DIPK2B: variants seen among roughly 807,000 people sequenced by gnomAD.
DIPK2B encodes UPF0672 protein CXorf36.
DIPK2B carries 15 observed loss-of-function variants against 22.2 expected under a neutral mutation model. That is an observed-to-expected ratio of 0.68 (90% confidence interval 0.45 to 1.04). The LOEUF is 1.04. Among genes scored for constraint, DIPK2B ranks in the 50% least tolerant of loss-of-function variants. The pLI, the probability that DIPK2B is intolerant of heterozygous loss-of-function variation, is 0.00. For synonymous variants in DIPK2B, 163 were observed against 153.2 expected (o/e 1.06, Z -0.47); for missense variants, 345 against 348.3 (o/e 0.99, Z 0.08).
At chrX:45,194,716 A>G (rs1277067571) in intron 1 of DIPK2B, among the ~76,000 whole-genome samples, 1 of 112,140 alleles carries the variant, frequency 8.9e-6, no homozygotes, top group Non-Finnish European at 1.9e-5. Context: ...TTTGAGGATG[A>G]GAAAATTGAA....
At chrX:45,179,615 C>G (rs1411493045) in intron 2 of DIPK2B, among the ~76,000 whole-genome samples, 1 of 111,382 alleles carries the variant, frequency 9.0e-6, no homozygotes, top group Non-Finnish European at 1.9e-5. Flanking sequence ...AATGCAATAT[C>G]TGAAATTAAG....
At chrX:45,168,791 CTGCGGAGCGGT>C (rs2047063133) in intron 2 of DIPK2B, among the ~76,000 whole-genome samples, 1 of 111,990 alleles carries the variant, frequency 8.9e-6, no homozygotes, top group African/African-American at 3.3e-5. Flanking sequence ...TCCCATCGGC[CTGCGGAGCGGT>C]CTCTGCTGGA....
chrX:45,188,236 C>A (rs780773270), intron 2 of DIPK2B, among the ~76,000 whole-genome samples: 4 of 112,122 alleles, frequency 3.6e-5, no homozygotes, highest in Non-Finnish European at 5.6e-5. Flanking sequence ...AATGATCACT[C>A]AGAGGTTTCA....
In DIPK2B at chrX:45,154,083, T is replaced by C; in HGVS notation, c.788A>G (p.Gln263Arg). Reference protein sequence around the residue: ...LQEFYDAPPDQAADLAYQLLG... With the variant: ...LQEFYDAPPDRAADLAYQLLG... The stretch of plus-strand genomic sequence containing the variant: ...GAGCTGGTAGGCAAGGTCGGCTGCC[T>C]GATCTGGGGGTGCATCATAGAATTC... Residue 263 changes from glutamine (Q) to arginine (R), a missense_variant, in exon 4 of 5, where the codon CAG (glutamine) becomes CGG (arginine). Transcript: ENST00000398000. The C allele has an allele frequency of 1.7e-6, 2 of 1,211,435 alleles. No homozygotes were observed. Among genetic ancestry groups the C allele is most frequent in the Non-Finnish European group, 2.2e-6 (2 of 895,382 alleles).
At chrX:45,164,509 A>G (rs1475170290) in intron 2 of DIPK2B, among the ~76,000 whole-genome samples, 2 of 111,606 alleles carry the variant, frequency 1.8e-5, no homozygotes, top group South Asian at 3.8e-4. Context: ...CACAAGAACA[A>G]AAAAACCAAA....
chrX:45,191,675 A>G, intron 2 of DIPK2B, 76 bp downstream of exon 2: 1 of 1,073,353 alleles, frequency 9.3e-7, no homozygotes, highest in Non-Finnish European at 1.2e-6. Context: ...AAACTGAGAT[A>G]TGAGATGGGA....
At chrX:45,179,927 C>T (rs4526494) in intron 2 of DIPK2B, among the ~76,000 whole-genome samples, 45,877 of 110,428 alleles carry the variant, frequency 0.42, 7,767 homozygotes, top group African/African-American at 0.66. Flanking sequence ...AAGGAAACAT[C>T]TTTAATCATA....
In DIPK2B at chrX:45,152,040, T is replaced by A. The variant is rs771595080; in HGVS notation, c.962-48A>T. 5 of 1,069,175 alleles carry A rather than the reference T, an allele frequency of 4.7e-6. No homozygotes were observed. The African/African-American group carries it at 9.3e-5, about 20-fold the overall frequency. 88.1% of individuals were successfully genotyped at this position (1,069,175 alleles called of 1,213,427 possible). ...TACACACCCTGCCACCAGTGCTCCT[T>A]GAGGGAGGGCACCACTAATTAGAAT... On this transcript the variant is annotated intron_variant, in intron 4 of 4. Coordinates refer to ENST00000398000, the MANE Select transcript of DIPK2B (RefSeq NM_176819.4).
chrX:45,192,289 C>T (rs1198440585), intron 1 of DIPK2B, among the ~76,000 whole-genome samples: 1 of 111,879 alleles, frequency 8.9e-6, no homozygotes, highest in Non-Finnish European at 1.9e-5. Context: ...GCTCTCTGAA[C>T]TTTTACTCCC....
intron 1 of DIPK2B, among the ~76,000 whole-genome samples, chrX:45,193,919 C>T (rs2047225117): frequency 9.1e-6 from 1 of 109,853 alleles, no homozygotes; most frequent in Non-Finnish European, 1.9e-5. Flanking sequence ...CTACTCCCCA[C>T]CCCCACTCCC....
intron 1 of DIPK2B, among the ~76,000 whole-genome samples, chrX:45,197,212 A>G (rs1335328084): frequency 9.8e-6 from 1 of 101,827 alleles, no homozygotes; most frequent in African/African-American, 3.6e-5. Context: ...TTTGAGAGAG[A>G]GTCTTTCTCC....
intron 2 of DIPK2B, among the ~76,000 whole-genome samples, chrX:45,182,279 A>C (rs1003030907): frequency 2.7e-5 from 3 of 111,922 alleles, no homozygotes; most frequent in African/African-American, 9.7e-5. Context: ...CAAAAAAGCC[A>C]GTAAATATAT....
chrX:45,165,798 G>A lies in DIPK2B; in HGVS notation c.499-7910C>T, dbSNP rs1419102787. Among the ~76,000 whole-genome samples, 14 of 111,979 alleles carry A rather than the reference G, an allele frequency of 1.3e-4. No homozygotes were observed. In the South Asian group the frequency reaches 1.9e-3, roughly 15 times the overall value. On this transcript the variant is annotated intron_variant, in intron 2 of 4. Transcript: ENST00000398000. ...TCTCCAGCTCTCTCTTTGGAATTTCGGCACAAACTCGGTTTACAAGCCTCA... is the reference window on the plus strand; with the variant it reads ...TCTCCAGCTCTCTCTTTGGAATTTCAGCACAAACTCGGTTTACAAGCCTCA...
chrX:45,164,434 T>C (rs1019903905), intron 2 of DIPK2B, among the ~76,000 whole-genome samples: 3 of 111,672 alleles, frequency 2.7e-5, no homozygotes, highest in Non-Finnish European at 5.6e-5. Flanking sequence ...TTAAAGATCA[T>C]GCTCCTGGCC....
chrX:45,174,113 T>C (rs2047103179), intron 2 of DIPK2B, among the ~76,000 whole-genome samples: 1 of 111,688 alleles, frequency 9.0e-6, no homozygotes, highest in Non-Finnish European at 1.9e-5. Context: ...AAGGAGGTGC[T>C]GGCAGTTCCA....
intron 2 of DIPK2B, among the ~76,000 whole-genome samples, chrX:45,165,830 A>G (rs2047045946): frequency 8.9e-6 from 1 of 111,861 alleles, no homozygotes; most frequent in South Asian, 3.7e-4. Flanking sequence ...CTCACAGAAC[A>G]CGCATGCAAA....
At chrX:45,184,456 T>C (rs1276077395) in intron 2 of DIPK2B, among the ~76,000 whole-genome samples, 1 of 112,047 alleles carries the variant, frequency 8.9e-6, no homozygotes, top group Non-Finnish European at 1.9e-5. Context: ...ATGACATATG[T>C]GTAATTCAGT....
intron 2 of DIPK2B, chrX:45,162,972 G>A (rs904534290): frequency 1.8e-4 from 133 of 749,390 alleles, no homozygotes; most frequent in Non-Finnish European, 2.0e-4. Flanking sequence ...AATTTAGCAG[G>A]CATGTTGCTG....
rs1191453346 is a variant in DIPK2B at position 45,179,846 on chromosome X, G to A, written c.498+11905C>T. ...ATAGAATAAAGGAGAGAAAATACAT[G>A]ATCATCTTAATACATGCAGAAAAAG... On this transcript the variant is annotated intron_variant, in intron 2 of 4. Transcript: ENST00000398000. 3.6e-5 allele frequency among the ~76,000 whole-genome samples: 4 copies of A among 111,759 alleles called. No homozygotes were observed. The East Asian group carries it at 1.1e-3, about 31-fold the overall frequency.
Sources: gnomAD v4.1 joint callset for allele counts (sites outside exome capture counted in the v4.1 genomes callset) on GRCh38, gnomAD v4.1.1 for gene constraint, MANE v1.5 for transcripts, NCBI Gene and HGNC (gene_info 2026-07-23, HGNC 2026-07-21) for gene names.